TBC1D4: variants seen among roughly 807,000 people sequenced by gnomAD.
TBC1D4 encodes the protein TBC1 domain family member 4.
In TBC1D4, 121 loss-of-function variants were observed where a neutral mutation model predicts 142.5. The ratio of observed to expected loss-of-function variants is 0.85; its 90% CI spans 0.73 to 0.99. The LOEUF (loss-of-function observed/expected upper bound fraction) is 0.99, where lower values mean the gene tolerates loss of function less well. Among genes scored for constraint, TBC1D4 ranks in the 50% least tolerant of loss-of-function variants. TBC1D4 has a pLI of 0.00. For missense variants in TBC1D4, 1,475 were observed against 1,606.6 expected, an observed-to-expected ratio of 0.92 and a Z score of 1.40; for synonymous variants, 630 against 628.2, an observed-to-expected ratio of 1.00 and a Z score of -0.04.
intron 1 of TBC1D4, among the ~76,000 whole-genome samples, chr13:75,410,418 G>A (rs1028792618): frequency 1.3e-5 from 2 of 152,038 alleles, no homozygotes; most frequent in African/African-American, 2.4e-5. Context: ...ACCACAGCCC[G>A]TCACGCTAAT....
intron 1 of TBC1D4, among the ~76,000 whole-genome samples, chr13:75,392,146 CAAAGATTTTCAACA>C (rs1884521346): frequency 6.6e-6 from 1 of 151,878 alleles, no homozygotes; most frequent in East Asian, 1.9e-4. Flanking sequence ...CCTATAAAAC[CAAAGATTTTCAACA>C]AATATTTGCT....
chr13:75,396,020 G>A (rs988128326), intron 1 of TBC1D4, among the ~76,000 whole-genome samples: 5 of 152,024 alleles, frequency 3.3e-5, no homozygotes, highest in East Asian at 1.9e-4. Flanking sequence ...AAAGTCCCTC[G>A]TTTTTCTCAT....
chr13:75,346,508 C>T (rs977335484), intron 5 of TBC1D4, among the ~76,000 whole-genome samples: 6 of 152,128 alleles, frequency 3.9e-5, no homozygotes, highest in South Asian at 2.1e-4. Context: ...TAGCATTCCA[C>T]GGTGTATATG....
In TBC1D4 at chr13:75,302,556, A is replaced by T; in HGVS notation, c.2753-155T>A. 5.9e-6 allele frequency: 5 copies of T among 847,030 alleles called. No homozygotes were observed. The Admixed American group carries it at 1.1e-4, about 18-fold the overall frequency. The allele number at this position is 847,030 out of a possible 1,614,324, so 52.5% of individuals were successfully genotyped here. ...ATATAATTGACAGAAGCATATTTTG[A>T]CAAGCTGAATCCTATAGCTCTTGAT... On this transcript the variant is annotated intron_variant, in intron 15 of 20. Coordinates refer to ENST00000377636, the MANE Select transcript of TBC1D4 (RefSeq NM_014832.5).
intron 1 of TBC1D4, among the ~76,000 whole-genome samples, chr13:75,453,877 T>G (rs61511456): frequency 0.038 from 5,771 of 151,354 alleles, 377 homozygotes; most frequent in African/African-American, 0.13. Context: ...AAAAAAAAAA[T>G]TCTTATTTAA....
At chr13:75,342,226 T>A (rs1347272746) in intron 5 of TBC1D4, among the ~76,000 whole-genome samples, 1 of 151,920 alleles carries the variant, frequency 6.6e-6, no homozygotes, top group Non-Finnish European at 1.5e-5. Context: ...TTACTAACAA[T>A]GAATTTCTAA....
chr13:75,437,131 G>A (rs762795332), intron 1 of TBC1D4, among the ~76,000 whole-genome samples: 17 of 152,150 alleles, frequency 1.1e-4, no homozygotes, highest in East Asian at 1.9e-4. Context: ...AAATGGATTC[G>A]ATACAGATCC....
chr13:75,309,309 T>A (rs1877507904), intron 14 of TBC1D4, among the ~76,000 whole-genome samples: 1 of 152,048 alleles, frequency 6.6e-6, no homozygotes, highest in East Asian at 1.9e-4. Context: ...ATCTTAGCAA[T>A]AAGGCACCAC....
intron 1 of TBC1D4, among the ~76,000 whole-genome samples, chr13:75,401,483 C>T (rs572592447): frequency 2.4e-4 from 36 of 152,254 alleles, no homozygotes; most frequent in Non-Finnish European, 2.2e-4. Flanking sequence ...CTGAAAATAA[C>T]GTATAATCAG....
chr13:75,346,086 A>G (rs1881121208), intron 5 of TBC1D4, among the ~76,000 whole-genome samples: 1 of 152,240 alleles, frequency 6.6e-6, no homozygotes. Flanking sequence ...CTTATAAACA[A>G]TGGGAAAAGA....
intron 1 of TBC1D4, among the ~76,000 whole-genome samples, chr13:75,465,669 C>T (rs924171954): frequency 1.3e-5 from 2 of 152,214 alleles, no homozygotes; most frequent in Non-Finnish European, 1.5e-5. Context: ...CAATTCATGC[C>T]ATGATTGGGT....
chr13:75,387,301 T>G (rs796767377), intron 1 of TBC1D4, among the ~76,000 whole-genome samples: 2 of 152,256 alleles, frequency 1.3e-5, no homozygotes, highest in African/African-American at 4.8e-5. Context: ...AAGGGCAAAT[T>G]TTCAGAGCTT....
In TBC1D4 at chr13:75,481,970, GCGGGCAC is replaced by G. The variant is rs1888911451; in HGVS notation, c.-210_-204del. ...CGGGCGCGGCTCGGAGGCTCCGGCGGCGGGCACCGAGGCAAGCGCCCGGCAGGCGAGG... is the reference window on the plus strand; with the variant it reads ...CGGGCGCGGCTCGGAGGCTCCGGCGGCGAGGCAAGCGCCCGGCAGGCGAGG... On this transcript the variant is annotated 5_prime_UTR_variant, in exon 1 of 21. Coordinates refer to ENST00000377636, the MANE Select transcript of TBC1D4 (RefSeq NM_014832.5). 1 of 716,536 alleles carries G rather than the reference GCGGGCAC, an allele frequency of 1.4e-6. No homozygotes were observed. The highest frequency in any genetic ancestry group is 1.9e-6 in the Non-Finnish European group (1 of 515,634). The allele number at this position is 716,536 out of a possible 1,614,324, so 44.4% of individuals were successfully genotyped here. A position where few individuals can be genotyped will look rare whatever the true frequency, so the allele number is the denominator to read the frequency against.
In TBC1D4 at chr13:75,294,914, G is replaced by T. The variant is rs767520221; in HGVS notation, c.3256C>A (p.Pro1086Thr). 2 of 1,613,932 alleles carry T rather than the reference G, an allele frequency of 1.2e-6. No individual in the cohort carries two copies. The highest frequency in any genetic ancestry group is 2.2e-5 in the South Asian group (2 of 91,072). The change falls in exon 18 of 21, where the codon CCC becomes ACC. Residue 1086 changes from proline (P) to threonine (T), a missense_variant. Pro to Thr is a conservative substitution (Grantham distance 38, BLOSUM62 -1). Transcript: ENST00000377636. ...NEISPSLYAA[P>T]WFLTLFASQF... ...GAGGCAAACAATGTGAGGAACCAGG[G>T]GGCAGCATAAAGACTGGGGCTGATT...
At chr13:75,289,851 C>T (rs1875093567) in intron 19 of TBC1D4, among the ~76,000 whole-genome samples, 1 of 152,130 alleles carries the variant, frequency 6.6e-6, no homozygotes, top group African/African-American at 2.4e-5. Flanking sequence ...GAGACAACAG[C>T]TGCTATTCAA....
chr13:75,378,068 A>T (rs1278243170), intron 1 of TBC1D4, among the ~76,000 whole-genome samples: 11 of 152,134 alleles, frequency 7.2e-5, no homozygotes. Flanking sequence ...TACTATGGCT[A>T]TATGTGGCTT....
chr13:75,343,177 T>A (rs1270627561), intron 5 of TBC1D4, among the ~76,000 whole-genome samples: 1 of 152,238 alleles, frequency 6.6e-6, no homozygotes, highest in Non-Finnish European at 1.5e-5. Context: ...TTAATAGATT[T>A]GAGCTACTTT....
At chr13:75,474,074 C>G (rs1004759590) in intron 1 of TBC1D4, among the ~76,000 whole-genome samples, 3 of 152,092 alleles carry the variant, frequency 2.0e-5, no homozygotes, top group African/African-American at 7.2e-5. Context: ...TTTTATTTCC[C>G]CTTAAAATGG....
intron 1 of TBC1D4, among the ~76,000 whole-genome samples, chr13:75,454,025 ATT>A (rs71127543): frequency 0.37 from 54,506 of 146,416 alleles, 9,930 homozygotes; most frequent in Middle Eastern, 0.46. Context: ...ATAAATCTCT[ATT>A]TTTTTTTTTT....
Sources: gnomAD v4.1 joint callset for allele counts (sites outside exome capture counted in the v4.1 genomes callset) on GRCh38, gnomAD v4.1.1 for gene constraint, MANE v1.5 for transcripts, NCBI Gene and HGNC (gene_info 2026-07-23, HGNC 2026-07-21) for gene names.